The following BTC variants were observed in gnomAD, a reference collection of about 807,000 sequenced individuals.
BTC encodes betacellulin, also known as probetacellulin.
BTC carries 13 observed loss-of-function variants against 18.1 expected under a neutral mutation model. The observed-to-expected ratio is 0.72, with a 90% CI of 0.47 to 1.14. The LOEUF (loss-of-function observed/expected upper bound fraction) is 1.14. BTC is among the 50% of genes most tolerant of loss of function. The pLI, the probability that BTC is intolerant of heterozygous loss-of-function variation, is 0.00. For missense variants in BTC, 247 were observed against 224.2 expected (o/e 1.10, Z -0.65); for synonymous variants, 83 against 79.4 (o/e 1.05, Z -0.24).
intron 1 of BTC, among the ~76,000 whole-genome samples, chr4:74,787,045 A>G (rs1560725809): frequency 1.3e-5 from 2 of 151,560 alleles, no homozygotes; most frequent in South Asian, 4.2e-4. Flanking sequence ...ACATTCATTC[A>G]TTCATTTAAT....
intron 4 of BTC, among the ~76,000 whole-genome samples, chr4:74,748,608 C>G (rs1226822133): frequency 2.6e-5 from 4 of 151,968 alleles, no homozygotes; most frequent in African/African-American, 9.7e-5. Flanking sequence ...TAATAGGCAA[C>G]AGTGTGGGTA....
intron 4 of BTC, 37 bp from the exon 5 acceptor site, chr4:74,748,186 G>C: frequency 1.6e-6 from 2 of 1,256,708 alleles, no homozygotes; most frequent in Non-Finnish European, 1.1e-6. Context: ...TATGGGCCTA[G>C]TAGTTCATGC....
chr4:74,755,821 G>T, intron 3 of BTC, 38 bp downstream of exon 3: 5 of 1,583,832 alleles, frequency 3.2e-6, no homozygotes, highest in Non-Finnish European at 4.3e-6. Context: ...GCACCATTCT[G>T]CACCCTTTTG....
chr4:74,773,982 A>G (rs1458314694), intron 1 of BTC, among the ~76,000 whole-genome samples: 31 of 152,220 alleles, frequency 2.0e-4, no homozygotes, highest in Admixed American at 2.0e-3. Context: ...AATAGGATAG[A>G]GAATCAACTC....
intron 2 of BTC, among the ~76,000 whole-genome samples, chr4:74,761,843 G>A (rs1419588452): frequency 6.6e-6 from 1 of 152,104 alleles, no homozygotes; most frequent in Admixed American, 6.6e-5. Context: ...TGACTATCAA[G>A]TCTGCATACA....
intron 4 of BTC, among the ~76,000 whole-genome samples, chr4:74,748,400 G>T (rs1453294882): frequency 6.6e-6 from 1 of 152,144 alleles, no homozygotes; most frequent in Non-Finnish European, 1.5e-5. Context: ...GCCGGACGTG[G>T]TGGTGGGCGC....
intron 2 of BTC, among the ~76,000 whole-genome samples, chr4:74,757,048 T>C (rs536383731): frequency 1.3e-5 from 2 of 152,236 alleles, no homozygotes; most frequent in Admixed American, 1.3e-4. Flanking sequence ...ACTTTCCACG[T>C]TCATGGTATA....
chr4:74,778,135 T>C (rs938456787), intron 1 of BTC, among the ~76,000 whole-genome samples: 14 of 152,192 alleles, frequency 9.2e-5, no homozygotes, highest in East Asian at 3.8e-4. Context: ...CGTTCTCCTT[T>C]TTTGTTAACT....
At chr4:74,793,796 C>G (rs13107535) in intron 1 of BTC, among the ~76,000 whole-genome samples, 2 of 148,174 alleles carry the variant, frequency 1.3e-5, no homozygotes, top group Admixed American at 6.6e-5. Flanking sequence ...TCAAAGAGTT[C>G]CCGTTCTTCT....
At chr4:74,762,940 T>C (rs1724802364) in intron 2 of BTC, among the ~76,000 whole-genome samples, 1 of 152,118 alleles carries the variant, frequency 6.6e-6, no homozygotes, top group Non-Finnish European at 1.5e-5. Context: ...ATTGTGTTCT[T>C]GAGATTTTTT....
In BTC at chr4:74,750,429, T is replaced by C. The variant is rs72867527; in HGVS notation, c.428+144A>G. 0.012 allele frequency: 9,452 copies of C among 767,040 alleles called. 638 individuals carry two copies. In the African/African-American group the frequency reaches 0.15, roughly 12 times the overall value. 47.5% of individuals were successfully genotyped at this position (767,040 alleles called of 1,614,324 possible). ...ATGTGTTTTATTATGAATACTTCTA[T>C]ATCAACAATGGCAAAGCTCAAAAAG... On this transcript the variant is annotated intron_variant, in intron 4 of 5. Coordinates refer to ENST00000395743, the MANE Select transcript of BTC (RefSeq NM_001729.4).
chr4:74,766,074 A>G (rs1188492150), intron 2 of BTC, among the ~76,000 whole-genome samples: 1 of 152,128 alleles, frequency 6.6e-6, no homozygotes, highest in African/African-American at 2.4e-5. Context: ...AAAGTACAGT[A>G]AAAATATGAT....
At chr4:74,773,516 A>C (rs1012981495) in intron 1 of BTC, among the ~76,000 whole-genome samples, 1 of 152,174 alleles carries the variant, frequency 6.6e-6, no homozygotes, top group Admixed American at 6.5e-5. Flanking sequence ...GATGTATTTG[A>C]CACTGGTGCA....
intron 1 of BTC, among the ~76,000 whole-genome samples, chr4:74,779,283 A>G (rs1725257252): frequency 1.3e-5 from 2 of 152,170 alleles, no homozygotes; most frequent in African/African-American, 4.8e-5. Flanking sequence ...GTCATACACA[A>G]ACTAATTCAG....
chr4:74,778,222 A>G (rs932708613), intron 1 of BTC, among the ~76,000 whole-genome samples: 1 of 152,096 alleles, frequency 6.6e-6, no homozygotes, highest in Non-Finnish European at 1.5e-5. Flanking sequence ...ACATGGCCCC[A>G]AGGAGAACAT....
At chr4:74,751,016 A>G (rs1318275327) in intron 3 of BTC, among the ~76,000 whole-genome samples, 1 of 152,204 alleles carries the variant, frequency 6.6e-6, no homozygotes, top group African/African-American at 2.4e-5. Flanking sequence ...TCAAAAAGGA[A>G]AGGAGGATAA....
At chr4:74,747,957 G>T in intron 5 of BTC, 83 bp downstream of exon 5, 1 of 607,948 alleles carries the variant, frequency 1.6e-6, no homozygotes, top group Non-Finnish European at 2.8e-6. Flanking sequence ...TCTAATGAAT[G>T]ATTTAGTAGA....
At chr4:74,769,668 A>G (rs1033827595) in intron 2 of BTC, among the ~76,000 whole-genome samples, 2 of 152,166 alleles carry the variant, frequency 1.3e-5, no homozygotes, top group African/African-American at 4.8e-5. Flanking sequence ...AAAGAATTTA[A>G]CTTTGGGTAG....
At chr4:74,781,910 A>G (rs908408828) in intron 1 of BTC, among the ~76,000 whole-genome samples, 5 of 151,944 alleles carry the variant, frequency 3.3e-5, no homozygotes, top group African/African-American at 4.8e-5. Context: ...TTCCATCTCT[A>G]TGACTTTGTC....
Sources: gnomAD v4.1 joint callset for allele counts (sites outside exome capture counted in the v4.1 genomes callset) on GRCh38, gnomAD v4.1.1 for gene constraint, MANE v1.5 for transcripts, NCBI Gene and HGNC (gene_info 2026-07-23, HGNC 2026-07-21) for gene names.